Variants in GXYLT2 observed in about 807,000 individuals in gnomAD.
GXYLT2 encodes the protein glycosyltransferase 8 domain containing 4.
GXYLT2 carries 53 observed loss-of-function variants against 45.8 expected under a neutral mutation model. The observed-to-expected ratio is 1.16, with a 90% CI of 0.93 to 1.46. The LOEUF (loss-of-function observed/expected upper bound fraction) is 1.46, where lower values mean the gene tolerates loss of function less well. GXYLT2 is among the 40% of genes most tolerant of loss of function. GXYLT2 has a pLI of 0.00. For synonymous variants in GXYLT2, 219 were observed against 214.2 expected (o/e 1.02, Z -0.19); for missense variants, 551 against 544.4 (o/e 1.01, Z -0.12).
At chr3:72,934,761 G>A (rs527655779) in intron 3 of GXYLT2, among the ~76,000 whole-genome samples, 270 of 152,284 alleles carry the variant, frequency 1.8e-3, no homozygotes, top group Middle Eastern at 3.4e-3. Flanking sequence ...CACAGTTAAG[G>A]ATATTATGTT....
intron 6 of GXYLT2, among the ~76,000 whole-genome samples, chr3:72,968,235 A>C (rs1710906705): frequency 6.6e-6 from 1 of 152,136 alleles, no homozygotes. Flanking sequence ...TAGCCTCCCA[A>C]AATGTTGGTA....
At chr3:72,889,293 C>G (rs1361237712) in intron 1 of GXYLT2, among the ~76,000 whole-genome samples, 1 of 152,120 alleles carries the variant, frequency 6.6e-6, no homozygotes, top group East Asian at 1.9e-4. Flanking sequence ...TCAACAATCC[C>G]CTTGTCTTGT....
chr3:72,957,392 A>C, intron 5 of GXYLT2, 40 bp downstream of exon 5: 1 of 1,555,308 alleles, frequency 6.4e-7, no homozygotes, highest in Non-Finnish European at 8.7e-7. Context: ...GTAGGAGTAC[A>C]CTCAGCACAC....
chr3:72,935,323 A>G (rs1321140856), intron 3 of GXYLT2, among the ~76,000 whole-genome samples: 2 of 152,224 alleles, frequency 1.3e-5, no homozygotes, highest in Non-Finnish European at 2.9e-5. Flanking sequence ...ACAGCAAAAA[A>G]CAAAAACTAA....
intron 2 of GXYLT2, among the ~76,000 whole-genome samples, chr3:72,912,158 C>T (rs1054510365): frequency 1.3e-5 from 2 of 151,538 alleles, no homozygotes; most frequent in South Asian, 2.1e-4. Flanking sequence ...CTACAAACTG[C>T]GCCACCACGC....
In GXYLT2 at chr3:72,908,434, G is replaced by A. The variant is rs1022294976; in HGVS notation, c.343G>A (p.Val115Met). 13 of 1,613,944 alleles carry A rather than the reference G, an allele frequency of 8.1e-6. No individual in the cohort carries two copies. The highest frequency in any genetic ancestry group is 9.3e-6 in the Non-Finnish European group (11 of 1,179,886). The change falls in exon 2 of 7, where the codon GTG becomes ATG. Residue 115 changes from valine to methionine, a missense_variant. Coordinates refer to ENST00000389617, the MANE Select transcript of GXYLT2 (RefSeq NM_001080393.2). ...PPELWIHLAV[V>M]ACGNRLEETL... is the part of the protein sequence containing the mutation. The stretch of plus-strand genomic sequence containing the variant: ...CGAGCTCTGGATCCACCTGGCTGTG[G>A]TGGCCTGTGGCAATCGGCTGGAGGA...
chr3:72,918,719 C>T (rs368180919), intron 2 of GXYLT2, among the ~76,000 whole-genome samples: 1 of 151,874 alleles, frequency 6.6e-6, no homozygotes, highest in Admixed American at 6.6e-5. Flanking sequence ...GGAGGCTACT[C>T]GGGTAGGCTG....
At chr3:72,965,220 T>C (rs1015111726) in intron 5 of GXYLT2, among the ~76,000 whole-genome samples, 4 of 152,196 alleles carry the variant, frequency 2.6e-5, no homozygotes, top group African/African-American at 9.7e-5. Flanking sequence ...TGCCTAAATG[T>C]CACTGTCCTA....
rs1575822627 is a variant in GXYLT2 at position 72,974,964 on chromosome 3, TG to T, written c.1150-12del. 3 of 1,527,094 alleles carry T rather than the reference TG, an allele frequency of 2.0e-6. No homozygotes were observed. Among genetic ancestry groups the T allele is most frequent in the Non-Finnish European group, 1.8e-6 (2 of 1,133,792 alleles). The allele number at this position is 1,527,094 out of a possible 1,614,324, so 94.6% of individuals were successfully genotyped here. On this transcript the variant is annotated splice_polypyrimidine_tract_variant and intron_variant, in intron 6 of 6. Transcript: ENST00000389617. ...TCCGTTACTAAATAAACTTTTTTTT[TG>T]TCATCTTTCAGTTTCCCTTTCAAGA...
chr3:72,954,399 C>CTGTGTGTGTGTG (rs3078688), intron 3 of GXYLT2, among the ~76,000 whole-genome samples: 17,492 of 133,662 alleles, frequency 0.13, 1,564 homozygotes, highest in East Asian at 0.35. Flanking sequence ...TGCTCCCAGC[C>CTGTGTGTGTGTG]TGTGTGTGTG....
At chr3:72,969,922 CAAAAA>C (rs1710954272) in intron 6 of GXYLT2, among the ~76,000 whole-genome samples, 1 of 138,034 alleles carries the variant, frequency 7.2e-6, no homozygotes, top group African/African-American at 2.7e-5. Context: ...AAAAAAAAAA[CAAAAA>C]CATTTAAGGC....
At chr3:72,937,136 G>A (rs1710201162) in intron 3 of GXYLT2, among the ~76,000 whole-genome samples, 1 of 152,012 alleles carries the variant, frequency 6.6e-6, no homozygotes, top group Admixed American at 6.6e-5. Flanking sequence ...ACTATTCTGA[G>A]TTTCCCCTAA....
chr3:72,912,011 A>ATTTTTT (rs1235800748), intron 2 of GXYLT2, among the ~76,000 whole-genome samples: 62 of 115,516 alleles, frequency 5.4e-4, no homozygotes, highest in African/African-American at 2.7e-3. Flanking sequence ...ATATATATAT[A>ATTTTTT]TATTTTTTTT....
chr3:72,972,454 A>G (rs1416671436), intron 6 of GXYLT2, among the ~76,000 whole-genome samples: 1 of 151,880 alleles, frequency 6.6e-6, no homozygotes, highest in Non-Finnish European at 1.5e-5. Flanking sequence ...CAGCCTGGCC[A>G]ACATGGTGAA....
intron 3 of GXYLT2, among the ~76,000 whole-genome samples, chr3:72,933,917 A>G (rs1020961360): frequency 6.6e-6 from 1 of 151,878 alleles, no homozygotes; most frequent in African/African-American, 2.4e-5. Flanking sequence ...AATTAAGAAT[A>G]ATAATAATAA....
At chr3:72,893,455 A>C (rs1466504173) in intron 1 of GXYLT2, among the ~76,000 whole-genome samples, 1 of 151,132 alleles carries the variant, frequency 6.6e-6, no homozygotes, top group East Asian at 1.9e-4. Context: ...CCTCTCCATC[A>C]CTCTCTTCTT....
intron 3 of GXYLT2, among the ~76,000 whole-genome samples, chr3:72,951,934 C>T (rs1210193163): frequency 6.6e-6 from 1 of 151,570 alleles, no homozygotes; most frequent in Non-Finnish European, 1.5e-5. Context: ...CTCTGCCTCC[C>T]GGGTTCAAGG....
At chr3:72,972,595 C>A (rs56054925) in intron 6 of GXYLT2, among the ~76,000 whole-genome samples, 1 of 143,062 alleles carries the variant, frequency 7.0e-6, no homozygotes, top group African/African-American at 2.6e-5. Flanking sequence ...GAGCCAAGAT[C>A]GCACCACTGC....
chr3:72,922,251 C>T lies in GXYLT2; in HGVS notation c.516C>T (p.Ile172=). The T allele has an allele frequency of 6.2e-7, 1 of 1,613,502 alleles. No individual in the cohort carries two copies. The highest frequency in any genetic ancestry group is 1.7e-4 in the Middle Eastern group (1 of 6,058). The change falls in exon 3 of 7, where the codon ATC becomes ATT. Residue 172 remains isoleucine (I), a synonymous_variant. Coordinates refer to ENST00000389617, the MANE Select transcript of GXYLT2 (RefSeq NM_001080393.2). ...ATACAAAGAAGTTTGAGCACAGAAT[C>T]TACCCCATCACATTTTCTGTTGGAA... is the stretch of plus-strand genomic sequence containing the variant. ...DSYTKKFEHR[I]YPITFSVGNP...
Sources: allele counts gnomAD v4.1 joint callset (sites outside exome capture counted in the v4.1 genomes callset), GRCh38; gene constraint gnomAD v4.1.1; transcripts MANE v1.5; gene names NCBI Gene and HGNC (gene_info 2026-07-23, HGNC 2026-07-21).